Variants in STMN2 observed in about 807,000 individuals in gnomAD.
STMN2 encodes stathmin-2.
Under a neutral mutation model 24.1 loss-of-function variants are expected in STMN2, and 2 were observed. That is an observed-to-expected ratio of 0.08 (90% CI 0.03 to 0.26). The LOEUF is 0.26. Ranked by LOEUF, STMN2 falls within the 10% of genes least tolerant of loss-of-function variation. The pLI, the probability that STMN2 is intolerant of heterozygous loss-of-function variation, is 1.00. For synonymous variants in STMN2, 83 were observed against 77.5 expected (o/e 1.07, Z -0.37); for missense variants, 114 against 213.6 (o/e 0.53, Z 2.91).
intron 1 of STMN2, among the ~76,000 whole-genome samples, chr8:79,625,567 C>G (rs1809632143): frequency 6.6e-6 from 1 of 152,114 alleles, no homozygotes; most frequent in African/African-American, 2.4e-5. Context: ...ATTATTATGA[C>G]AAAGTAAGTA....
rs754429125 is a variant in STMN2, at chr8:79,641,457, A to C, written c.195A>C (p.Ser65=). ...TCTTGAAGCCACCATCTCCTATCTC[A>C]GAAGCCCCACGAACTTTAGCTTCTC... is the stretch of plus-strand genomic sequence containing the variant. ...ELILKPPSPI[S]EAPRTLASPK... The change falls in exon 3 of 5, where the codon TCA becomes TCC. Residue 65 remains serine (S), a synonymous_variant. Coordinates refer to ENST00000220876, the MANE Select transcript of STMN2 (RefSeq NM_007029.4). 1.2e-5 allele frequency: 19 copies of C among 1,613,414 alleles called. No homozygotes were observed. The highest frequency in any genetic ancestry group is 4.0e-5 in the African/African-American group (3 of 74,906).
intron 3 of STMN2, among the ~76,000 whole-genome samples, chr8:79,654,428 A>G (rs924183326): frequency 6.6e-6 from 1 of 152,164 alleles, no homozygotes; most frequent in Non-Finnish European, 1.5e-5. Context: ...TGAAAAGCTT[A>G]TTGTAGGGCC....
intron 1 of STMN2, among the ~76,000 whole-genome samples, chr8:79,631,953 A>C (rs1809811122): frequency 6.6e-6 from 1 of 152,240 alleles, no homozygotes; most frequent in South Asian, 2.1e-4. Flanking sequence ...GTTAAGACTT[A>C]GGTAATGGGA....
intron 1 of STMN2, among the ~76,000 whole-genome samples, chr8:79,636,224 G>A (rs149205591): frequency 6.6e-6 from 1 of 152,188 alleles, no homozygotes; most frequent in East Asian, 1.9e-4. Flanking sequence ...CAAAGAGAGA[G>A]AGGAAAGAAA....
chr8:79,620,010 A>G (rs954292815), intron 1 of STMN2, among the ~76,000 whole-genome samples: 4 of 151,794 alleles, frequency 2.6e-5, no homozygotes, highest in African/African-American at 9.7e-5. Context: ...TTTAGAAAAC[A>G]TTCACCTGCT....
At chr8:79,640,325 C>A (rs1213814055) in intron 2 of STMN2, among the ~76,000 whole-genome samples, 2 of 152,196 alleles carry the variant, frequency 1.3e-5, no homozygotes, top group African/African-American at 2.4e-5. Flanking sequence ...GTGAGTTCAA[C>A]TTTATGAATA....
At chr8:79,629,817 C>G (rs906704987) in intron 1 of STMN2, among the ~76,000 whole-genome samples, 2 of 152,070 alleles carry the variant, frequency 1.3e-5, no homozygotes, top group Non-Finnish European at 1.5e-5. Context: ...GGCAGTAACA[C>G]CAAGTTAAAA....
intron 1 of STMN2, among the ~76,000 whole-genome samples, chr8:79,624,718 GTCAAGAAGGATTTC>G (rs1809611913): frequency 6.6e-6 from 1 of 152,150 alleles, no homozygotes; most frequent in African/African-American, 2.4e-5. Flanking sequence ...CAGCTAAGAA[GTCAAGAAGGATTTC>G]TCAAATTTGC....
chr8:79,651,965 C>T (rs1288933221), intron 3 of STMN2, among the ~76,000 whole-genome samples: 1 of 152,196 alleles, frequency 6.6e-6, no homozygotes, highest in Non-Finnish European at 1.5e-5. Context: ...GTGTTGGAAA[C>T]ACTGATCTAT....
chr8:79,620,350 A>G (rs1377062369), intron 1 of STMN2, among the ~76,000 whole-genome samples: 1 of 151,964 alleles, frequency 6.6e-6, no homozygotes, highest in East Asian at 1.9e-4. Context: ...CCTGTAATAA[A>G]ACATGCACAG....
intron 1 of STMN2, 135 bp downstream of exon 1, chr8:79,611,349 AG>A: frequency 1.6e-6 from 2 of 1,218,260 alleles, no homozygotes; most frequent in Non-Finnish European, 1.2e-6. Flanking sequence ...CAGGAAGGAC[AG>A]GGCAGTTCTG....
At chr8:79,623,746 T>TAATATATTGCACTAA (rs566913679) in intron 1 of STMN2, among the ~76,000 whole-genome samples, 6 of 152,118 alleles carry the variant, frequency 3.9e-5, no homozygotes, top group Admixed American at 3.9e-4. Context: ...CACAAGGTCA[T>TAATATATTGCACTAA]AATATATTGC....
chr8:79,660,997 G>A (rs1277328785), intron 4 of STMN2, among the ~76,000 whole-genome samples: 1 of 152,098 alleles, frequency 6.6e-6, no homozygotes, highest in African/African-American at 2.4e-5. Flanking sequence ...TTTTATGGCT[G>A]AGTAGTATTA....
At chr8:79,644,513 T>G (rs1381586708) in intron 3 of STMN2, among the ~76,000 whole-genome samples, 2 of 152,022 alleles carry the variant, frequency 1.3e-5, no homozygotes, top group Non-Finnish European at 2.9e-5. Flanking sequence ...GCCAAGAGGA[T>G]GTAGTAGTTT....
intron 2 of STMN2, among the ~76,000 whole-genome samples, chr8:79,639,828 TGAG>T (rs1810051655): frequency 6.6e-6 from 1 of 152,204 alleles, no homozygotes; most frequent in Admixed American, 6.5e-5. Flanking sequence ...TTATTTGTGA[TGAG>T]AACAAAAAAT....
chr8:79,664,035 T>A (rs998915086), intron 4 of STMN2, among the ~76,000 whole-genome samples: 2 of 152,024 alleles, frequency 1.3e-5, no homozygotes, highest in African/African-American at 4.8e-5. Context: ...CAGTCAAATA[T>A]AATAGAGGAG....
chr8:79,641,340 C>T, intron 2 of STMN2, 38 bp from the exon 3 acceptor site: 1 of 1,596,634 alleles, frequency 6.3e-7, no homozygotes. Context: ...ATGCTGCAAG[C>T]TTTGTATGCT....
At chr8:79,645,986 T>C (rs945441780) in intron 3 of STMN2, among the ~76,000 whole-genome samples, 1 of 152,236 alleles carries the variant, frequency 6.6e-6, no homozygotes, top group African/African-American at 2.4e-5. Context: ...GCAATAGTTA[T>C]TACTGTAAAC....
At chr8:79,650,862 C>T (rs185274507) in intron 3 of STMN2, among the ~76,000 whole-genome samples, 45 of 151,976 alleles carry the variant, frequency 3.0e-4, no homozygotes, top group African/African-American at 1.0e-3. Context: ...TCTCTTGAGC[C>T]CAGGAATTTG....
Sources: gnomAD v4.1 joint callset for allele counts (sites outside exome capture counted in the v4.1 genomes callset) on GRCh38, gnomAD v4.1.1 for gene constraint, MANE v1.5 for transcripts, NCBI Gene and HGNC (gene_info 2026-07-23, HGNC 2026-07-21) for gene names.